The following ADGRB3 variants were observed in gnomAD, a reference collection of about 807,000 sequenced individuals.
ADGRB3 encodes brain-specific angiogenesis inhibitor 3.
A neutral mutation model predicts 193.4 loss-of-function variants in ADGRB3; 37 were observed. The observed-to-expected ratio is 0.19, with a 90% confidence interval of 0.15 to 0.25. ADGRB3 has a LOEUF of 0.25. Ranked by LOEUF, ADGRB3 falls within the 10% of genes least tolerant of loss-of-function variation. ADGRB3 has a pLI of 1.00. For synonymous variants in ADGRB3, 690 were observed against 644.2 expected (o/e 1.07, Z -1.08); for missense variants, 1,637 against 1,852.9 (o/e 0.88, Z 2.14).
intron 30 of ADGRB3, among the ~76,000 whole-genome samples, chr6:69,374,443 C>A (rs940981538): frequency 5.3e-5 from 8 of 151,998 alleles, no homozygotes; most frequent in African/African-American, 1.9e-4. Flanking sequence ...CATATAATGG[C>A]CAGCTTAAAT....
intron 11 of ADGRB3, among the ~76,000 whole-genome samples, chr6:69,004,059 T>C (rs567756125): frequency 1.3e-5 from 2 of 152,312 alleles, no homozygotes; most frequent in South Asian, 4.1e-4. Flanking sequence ...GTCAAGAAAA[T>C]ATTGAGATTT....
intron 11 of ADGRB3, 86 bp from the exon 12 acceptor site, chr6:69,013,952 T>C (rs1196492164): frequency 1.2e-6 from 1 of 801,226 alleles, no homozygotes; most frequent in Non-Finnish European, 2.0e-6. Context: ...CTTATACCTT[T>C]ACCACGTAGT....
chr6:69,240,203 C>G (rs1389196400), intron 20 of ADGRB3, among the ~76,000 whole-genome samples: 2 of 151,950 alleles, frequency 1.3e-5, no homozygotes, highest in Admixed American at 1.3e-4. Context: ...CCAAAAGAGC[C>G]CAATTCTAGG....
At chr6:69,116,856 C>A (rs938166724) in intron 17 of ADGRB3, among the ~76,000 whole-genome samples, 1 of 152,192 alleles carries the variant, frequency 6.6e-6, no homozygotes, top group Non-Finnish European at 1.5e-5. Flanking sequence ...ATGTGCCTGG[C>A]TGATATGCAT....
At chr6:69,373,613 A>C (rs1360253138) in intron 30 of ADGRB3, among the ~76,000 whole-genome samples, 1 of 152,108 alleles carries the variant, frequency 6.6e-6, no homozygotes, top group Non-Finnish European at 1.5e-5. Context: ...CAAGAATATA[A>C]ATCTGAATAG....
intron 15 of ADGRB3, among the ~76,000 whole-genome samples, chr6:69,062,499 T>C (rs535027784): frequency 4.5e-4 from 69 of 151,956 alleles, no homozygotes; most frequent in Non-Finnish European, 8.0e-4. Context: ...TTTATTGTAA[T>C]GTGTTTTGGG....
intron 17 of ADGRB3, among the ~76,000 whole-genome samples, chr6:69,212,096 A>G (rs532952438): frequency 2.0e-5 from 3 of 152,222 alleles, no homozygotes; most frequent in Non-Finnish European, 2.9e-5. Context: ...ATTAATTTTC[A>G]GTATTAGCAT....
intron 3 of ADGRB3, among the ~76,000 whole-genome samples, chr6:68,930,117 A>G (rs1206077582): frequency 6.6e-6 from 1 of 151,948 alleles, no homozygotes; most frequent in African/African-American, 2.4e-5. Context: ...CTTAGAAAAT[A>G]TAAGTTACAG....
At chr6:69,194,128 A>C (rs537848395) in intron 17 of ADGRB3, among the ~76,000 whole-genome samples, 2 of 152,130 alleles carry the variant, frequency 1.3e-5, no homozygotes, top group South Asian at 2.1e-4. Context: ...TGTGGCCATA[A>C]ATTTCTAAAA....
intron 26 of ADGRB3, among the ~76,000 whole-genome samples, chr6:69,343,383 G>T (rs1416274691): frequency 1.5e-5 from 2 of 130,350 alleles, no homozygotes; most frequent in African/African-American, 5.9e-5. Flanking sequence ...CCCTTCCTGT[G>T]TCCATGTGAT....
chr6:69,334,888 T>C (rs1302492161), intron 24 of ADGRB3, among the ~76,000 whole-genome samples: 2 of 152,186 alleles, frequency 1.3e-5, no homozygotes, highest in African/African-American at 2.4e-5. Context: ...ATGGGGAAAA[T>C]AACCCCTGCC....
chr6:68,992,066 C>T (rs1316515504), intron 10 of ADGRB3, among the ~76,000 whole-genome samples: 2 of 152,050 alleles, frequency 1.3e-5, no homozygotes, highest in Non-Finnish European at 2.9e-5. Context: ...AGACTACCCT[C>T]AAGTTTCAGA....
intron 3 of ADGRB3, among the ~76,000 whole-genome samples, chr6:68,915,526 A>C (rs1202747950): frequency 6.6e-6 from 1 of 152,228 alleles, no homozygotes; most frequent in Non-Finnish European, 1.5e-5. Flanking sequence ...GGATGATCTT[A>C]ATTATTTTAG....
At chr6:69,039,343 T>A (rs986441647) in intron 13 of ADGRB3, among the ~76,000 whole-genome samples, 2 of 152,126 alleles carry the variant, frequency 1.3e-5, no homozygotes, top group African/African-American at 2.4e-5. Context: ...AAAAGAAATT[T>A]TATATATATA....
chr6:68,791,333 C>G (rs1767103304), intron 3 of ADGRB3, among the ~76,000 whole-genome samples: 2 of 152,132 alleles, frequency 1.3e-5, no homozygotes, highest in Admixed American at 6.5e-5. Context: ...GCTTTTAAAA[C>G]AAGTATAAAA....
intron 17 of ADGRB3, among the ~76,000 whole-genome samples, chr6:69,226,635 G>A (rs531574884): frequency 3.9e-5 from 6 of 152,306 alleles, no homozygotes; most frequent in Non-Finnish European, 7.4e-5. Flanking sequence ...AAGTCACCTC[G>A]AATTTTAGTG....
intron 3 of ADGRB3, among the ~76,000 whole-genome samples, chr6:68,885,443 C>G (rs557951309): frequency 2.6e-5 from 4 of 152,196 alleles, no homozygotes; most frequent in South Asian, 2.1e-4. Flanking sequence ...TTAAGTCAAA[C>G]TAATTGACGA....
intron 20 of ADGRB3, among the ~76,000 whole-genome samples, chr6:69,306,642 C>T (rs1768071536): frequency 2.6e-5 from 4 of 151,482 alleles, no homozygotes; most frequent in Admixed American, 2.6e-4. Flanking sequence ...TTATTTCTGA[C>T]TACAGGTCAT....
At chr6:69,102,926 C>G (rs1773105265) in intron 17 of ADGRB3, among the ~76,000 whole-genome samples, 1 of 152,142 alleles carries the variant, frequency 6.6e-6, no homozygotes, top group Non-Finnish European at 1.5e-5. Flanking sequence ...TAAGAATAGA[C>G]AACCATAGAA....
Sources: gnomAD v4.1 joint callset for allele counts (sites outside exome capture counted in the v4.1 genomes callset) on GRCh38, gnomAD v4.1.1 for gene constraint, MANE v1.5 for transcripts, NCBI Gene and HGNC (gene_info 2026-07-23, HGNC 2026-07-21) for gene names.